The following MBD5 variants were observed in gnomAD, a reference collection of about 807,000 sequenced individuals.
MBD5 encodes methyl-CpG binding domain protein 5.
MBD5 carries 13 observed loss-of-function variants against 117.3 expected under a neutral mutation model. The observed-to-expected ratio is 0.11, with a 90% CI of 0.07 to 0.18. MBD5 has a LOEUF of 0.18. Ranked by LOEUF, MBD5 falls within the 10% of genes least tolerant of loss-of-function variation. The probability of loss-of-function intolerance (pLI) is 1.00; values close to 1 mark genes in which losing one functional copy is unlikely to be tolerated. For missense variants in MBD5, 1,879 were observed against 2,093.8 expected, an observed-to-expected ratio of 0.90 and a Z score of 2.00; for synonymous variants, 727 against 766.4, an observed-to-expected ratio of 0.95 and a Z score of 0.85.
intron 1 of MBD5, among the ~76,000 whole-genome samples, chr2:148,077,106 T>C (rs563669588): frequency 2.0e-5 from 3 of 152,330 alleles, no homozygotes; most frequent in African/African-American, 7.2e-5. Context: ...TGACATCTGT[T>C]CTATAATAAC....
Position 148,284,219 on chromosome 2 carries a change from A to G in MBD5, c.-680+50824A>G, listed in dbSNP as rs535718453. On this transcript the variant is annotated intron_variant, in intron 3 of 13. Coordinates refer to ENST00000642680, the MANE Select transcript of MBD5 (RefSeq NM_001378120.1). ...TCTTATTACATCAGAAGTATATGCC[A>G]TTGCTTATTTAACCAGCCCCTAATA... Among the ~76,000 whole-genome samples, 90 of 152,268 alleles carry G rather than the reference A, an allele frequency of 5.9e-4. 1 individual carries two copies. The highest frequency in any genetic ancestry group is 3.8e-3 in the Admixed American group (58 of 15,302).
intron 1 of MBD5, among the ~76,000 whole-genome samples, chr2:148,145,619 T>A (rs561632045): frequency 6.6e-6 from 1 of 152,298 alleles, no homozygotes; most frequent in African/African-American, 2.4e-5. Context: ...TTGAGATACA[T>A]CCCATCAATA....
At chr2:148,228,235 T>C (rs769270026) in intron 2 of MBD5, among the ~76,000 whole-genome samples, 1 of 152,172 alleles carries the variant, frequency 6.6e-6, no homozygotes, top group African/African-American at 2.4e-5. Context: ...CAGTATGATA[T>C]TGGCTGTGGG....
chr2:148,087,900 G>A (rs759930686), intron 1 of MBD5, among the ~76,000 whole-genome samples: 4 of 152,026 alleles, frequency 2.6e-5, no homozygotes, highest in Admixed American at 6.6e-5. Context: ...AATTCAGAAG[G>A]TTGACTATTA....
intron 4 of MBD5, among the ~76,000 whole-genome samples, chr2:148,453,533 G>A (rs893365330): frequency 6.6e-6 from 1 of 152,140 alleles, no homozygotes; most frequent in Admixed American, 6.6e-5. Context: ...GTCTTAGTAA[G>A]ATGGAGGTAC....
chr2:148,184,175 C>T (rs1698596458), intron 2 of MBD5, among the ~76,000 whole-genome samples: 1 of 152,002 alleles, frequency 6.6e-6, no homozygotes, highest in South Asian at 2.1e-4. Context: ...CCACGCCCAG[C>T]TAATTTTTGT....
At chr2:148,114,950 A>T (rs1157470352) in intron 1 of MBD5, among the ~76,000 whole-genome samples, 2 of 152,160 alleles carry the variant, frequency 1.3e-5, no homozygotes, top group East Asian at 1.9e-4. Context: ...AGTACTCCTT[A>T]TAGATAACTA....
At chr2:148,160,186 T>C (rs530111405) in intron 1 of MBD5, among the ~76,000 whole-genome samples, 34 of 152,200 alleles carry the variant, frequency 2.2e-4, no homozygotes, top group South Asian at 1.2e-3. Flanking sequence ...GATCACAAGG[T>C]CAGGAGTTTG....
intron 4 of MBD5, among the ~76,000 whole-genome samples, chr2:148,349,649 G>A (rs1396406122): frequency 2.0e-5 from 3 of 151,928 alleles, no homozygotes; most frequent in Non-Finnish European, 4.4e-5. Flanking sequence ...CAAGACTTCA[G>A]AGCTTTCAAA....
intron 4 of MBD5, among the ~76,000 whole-genome samples, chr2:148,427,198 T>G (rs1194041671): frequency 2.0e-5 from 3 of 152,158 alleles, no homozygotes; most frequent in Non-Finnish European, 4.4e-5. Flanking sequence ...TTTTACACTG[T>G]TGGTGGGACT....
rs149825755 is a variant in MBD5, at chr2:148,489,380, T to C, written c.3754-6T>C. ...TCTCTCACTGCTTCCTGTCTATTTC[T>C]TCAAGGTGAGAATGCAGGAAGATGC... On this transcript the variant is annotated splice_region_variant and splice_polypyrimidine_tract_variant and intron_variant, in intron 10 of 13. Transcript: ENST00000642680. The C allele has an allele frequency of 2.0e-5, 32 of 1,614,136 alleles. No individual in the cohort carries two copies. The African/African-American group carries it at 2.1e-4, about 11-fold the overall frequency.
intron 3 of MBD5, among the ~76,000 whole-genome samples, chr2:148,331,636 G>T (rs183048503): frequency 6.6e-6 from 1 of 151,990 alleles, no homozygotes; most frequent in Admixed American, 6.6e-5. Context: ...GATATTAAAA[G>T]TAGTTTTTTT....
chr2:148,179,081 G>A (rs1698455896), intron 2 of MBD5, among the ~76,000 whole-genome samples: 1 of 152,160 alleles, frequency 6.6e-6, no homozygotes, highest in Non-Finnish European at 1.5e-5. Flanking sequence ...CTGGCCGGGC[G>A]CGGTGGCTCA....
chr2:148,169,722 A>C (rs1306167255), intron 1 of MBD5, among the ~76,000 whole-genome samples: 2 of 152,196 alleles, frequency 1.3e-5, no homozygotes, highest in African/African-American at 4.8e-5. Flanking sequence ...GAACTTTCAC[A>C]GAGATCTTTA....
chr2:148,342,414 TG>T (rs1478944663), intron 4 of MBD5, 78 bp downstream of exon 4: 1 of 152,056 alleles, frequency 6.6e-6, no homozygotes, highest in Non-Finnish European at 1.5e-5. Flanking sequence ...TTATTAAATA[TG>T]GGAAGTGTCT....
intron 3 of MBD5, among the ~76,000 whole-genome samples, chr2:148,284,278 G>A (rs1481686188): frequency 6.6e-6 from 1 of 151,998 alleles, no homozygotes; most frequent in Non-Finnish European, 1.5e-5. Context: ...TTTTGCTGAT[G>A]TAAAACCAGC....
chr2:148,270,439 A>T (rs1263914486), intron 3 of MBD5, among the ~76,000 whole-genome samples: 1 of 147,550 alleles, frequency 6.8e-6, no homozygotes, highest in Non-Finnish European at 1.5e-5. Flanking sequence ...CCCAGACTGG[A>T]GTGCAGTGTC....
chr2:148,496,379 A>C (rs1681701899), intron 11 of MBD5, among the ~76,000 whole-genome samples: 1 of 152,222 alleles, frequency 6.6e-6, no homozygotes, highest in Non-Finnish European at 1.5e-5. Flanking sequence ...GAAAAAAACT[A>C]AGCTGAGTAA....
chr2:148,078,544 C>T (rs1214882294), intron 1 of MBD5, among the ~76,000 whole-genome samples: 1 of 152,152 alleles, frequency 6.6e-6, no homozygotes, highest in African/African-American at 2.4e-5. Context: ...TCTCCTTTTC[C>T]TTGTATAGTC....
Sources: allele counts gnomAD v4.1 joint callset (sites outside exome capture counted in the v4.1 genomes callset), GRCh38; gene constraint gnomAD v4.1.1; transcripts MANE v1.5; gene names NCBI Gene and HGNC (gene_info 2026-07-23, HGNC 2026-07-21).